Variants in FREM2 observed in about 807,000 individuals in gnomAD.
The protein encoded by FREM2 is FRAS1 related extracellular matrix 2.
Under a neutral mutation model 219.9 loss-of-function variants are expected in FREM2, and 119 were observed. The ratio of observed to expected loss-of-function variants is 0.54; its 90% CI spans 0.47 to 0.63. The LOEUF (loss-of-function observed/expected upper bound fraction) is 0.63, where lower values mean the gene tolerates loss of function less well. FREM2 is among the 30% of genes least tolerant of loss of function. FREM2 has a pLI of 0.00. For missense variants in FREM2, 4,030 were observed against 3,993.6 expected (o/e 1.01, Z -0.25); for synonymous variants, 1,562 against 1,522.8 (o/e 1.03, Z -0.60).
At chr13:38,746,567 C>A (rs1040028885) in intron 2 of FREM2, among the ~76,000 whole-genome samples, 5 of 151,976 alleles carry the variant, frequency 3.3e-5, no homozygotes, top group African/African-American at 1.2e-4. Flanking sequence ...TTTGAAGTAC[C>A]CATGATTAAA....
At chr13:38,845,611 G>T (rs1566164140) in intron 6 of FREM2, among the ~76,000 whole-genome samples, 2 of 152,134 alleles carry the variant, frequency 1.3e-5, no homozygotes, top group East Asian at 3.8e-4. Context: ...ATAAAAATAA[G>T]CTCAAAATGA....
intron 6 of FREM2, among the ~76,000 whole-genome samples, chr13:38,840,093 C>T (rs1353237032): frequency 3.9e-5 from 6 of 152,106 alleles, no homozygotes; most frequent in African/African-American, 1.2e-4. Context: ...TATAGGCACC[C>T]GAAGGAATCT....
intron 2 of FREM2, among the ~76,000 whole-genome samples, chr13:38,718,566 C>T (rs1871100806): frequency 6.6e-6 from 1 of 152,200 alleles, no homozygotes; most frequent in South Asian, 2.1e-4. Flanking sequence ...CAATTTACAT[C>T]CTCCAGCGAT....
intron 6 of FREM2, among the ~76,000 whole-genome samples, chr13:38,800,452 A>T (rs571515185): frequency 6.6e-6 from 1 of 152,046 alleles, no homozygotes; most frequent in South Asian, 2.1e-4. Context: ...TTTATAGGTG[A>T]CTAGAAGCTT....
Position 38,865,341 on chromosome 13 carries a change from G to T in FREM2, c.7983+735G>T, listed in dbSNP as rs145214725. Among the ~76,000 whole-genome samples the T allele has an allele frequency of 1.2e-3, 178 of 152,244 alleles. No individual in the cohort carries two copies. In the East Asian group the frequency reaches 0.029, roughly 25 times the overall value. On this transcript the variant is annotated intron_variant, in intron 16 of 23. Transcript: ENST00000280481. ...ATAAGGAAGCAAGATCTTCTTGTGG[G>T]TTACAATAGAGAACCTAAAATATGT...
In FREM2 at chr13:38,689,915, A is replaced by C. The variant is rs1260111713; in HGVS notation, c.2571A>C (p.Val857=). 6.2e-7 allele frequency: 1 copy of C among 1,614,192 alleles called. No homozygotes were observed. The highest frequency in any genetic ancestry group is 8.5e-7 in the Non-Finnish European group (1 of 1,180,034). The change falls in exon 1 of 24, where the codon GTA becomes GTC. Residue 857 remains valine, a synonymous_variant. Coordinates refer to ENST00000280481, the MANE Select transcript of FREM2 (RefSeq NM_207361.6). The part of the protein sequence containing the change: ...LSETELHVND[V]DTDVAHISFT... ...AGACAGAGTTGCACGTGAATGATGT[A>C]GACACTGATGTTGCCCATATCTCTT...
At chr13:38,772,541 C>T (rs754392445) in intron 4 of FREM2, among the ~76,000 whole-genome samples, 1 of 152,120 alleles carries the variant, frequency 6.6e-6, no homozygotes, top group African/African-American at 2.4e-5. Context: ...GTGTTTAGCA[C>T]ATTATATACG....
intron 2 of FREM2, among the ~76,000 whole-genome samples, chr13:38,714,510 G>A (rs1870904392): frequency 6.6e-6 from 1 of 152,020 alleles, no homozygotes; most frequent in African/African-American, 2.4e-5. Context: ...TAGATAAGAA[G>A]GTAAGTTTAA....
rs201806885 is a variant in FREM2, at chr13:38,784,641, G to A, written c.5852G>A (p.Arg1951His). The change falls in exon 6 of 24, where the codon CGC becomes CAC. Residue 1951 changes from arginine (R) to histidine (H), a missense_variant. Arg to His is a conservative substitution (Grantham distance 29, BLOSUM62 0). Coordinates refer to ENST00000280481, the MANE Select transcript of FREM2 (RefSeq NM_207361.6). ...SRPEDHTSVV[R>H]FDKDEREKLC... ...CCTGAGGACCACACCAGTGTTGTCC[G>A]CTTTGACAAAGATGAACGGGAGAAA... is the stretch of plus-strand genomic sequence containing the variant. 5.6e-6 allele frequency: 9 copies of A among 1,614,134 alleles called. No homozygotes were observed. The highest frequency in any genetic ancestry group is 4.5e-5 in the East Asian group (2 of 44,884).
chr13:38,873,600 TAG>T lies in FREM2; in HGVS notation c.8176+667_8176+668del, dbSNP rs530499033. On this transcript the variant is annotated intron_variant, in intron 17 of 23. Coordinates refer to ENST00000280481, the MANE Select transcript of FREM2 (RefSeq NM_207361.6). The stretch of plus-strand genomic sequence containing the variant: ...GGTTTCAATCTCCATGTTAGACTCA[TAG>T]TTCAAAGTCCACAAGCATCAATCTA... 1.6e-4 allele frequency among the ~76,000 whole-genome samples: 23 copies of T among 146,574 alleles called. No individual in the cohort carries two copies. The South Asian group carries it at 4.9e-3, about 31-fold the overall frequency.
intron 2 of FREM2, among the ~76,000 whole-genome samples, chr13:38,703,781 G>T (rs1186615908): frequency 1.3e-5 from 2 of 151,954 alleles, no homozygotes; most frequent in African/African-American, 4.8e-5. Flanking sequence ...TTAGTTCCGA[G>T]AACATTTTTT....
intron 6 of FREM2, among the ~76,000 whole-genome samples, chr13:38,842,887 G>A (rs867057793): frequency 6.6e-6 from 1 of 152,196 alleles, no homozygotes; most frequent in Non-Finnish European, 1.5e-5. Flanking sequence ...TATCTGTGCT[G>A]TAGGTAGTGA....
Position 38,831,775 on chromosome 13 carries a change from A to AT in FREM2, c.6020-14798_6020-14797insT, listed in dbSNP as rs1780386276. 8.0e-5 allele frequency among the ~76,000 whole-genome samples: 5 copies of AT among 62,434 alleles called. 1 individual carries two copies. The highest frequency in any genetic ancestry group is 2.0e-4 in the African/African-American group (5 of 24,494). 41.0% of individuals were successfully genotyped at this position (62,434 alleles called of 152,430 possible). ...CAGGTGTGCACCTCATGCCAGACTGAATTTTTTTTTTTTTTGGTATTTTTA... is the reference window on the plus strand; with the variant it reads ...CAGGTGTGCACCTCATGCCAGACTGATATTTTTTTTTTTTTTGGTATTTTTA... On this transcript the variant is annotated intron_variant, in intron 6 of 23. Coordinates refer to ENST00000280481, the MANE Select transcript of FREM2 (RefSeq NM_207361.6).
chr13:38,770,199 A>G (rs1011183141), intron 4 of FREM2, among the ~76,000 whole-genome samples: 1 of 147,934 alleles, frequency 6.8e-6, no homozygotes, highest in Non-Finnish European at 1.5e-5. Flanking sequence ...ACATATTTAT[A>G]TATAATTGAA....
intron 6 of FREM2, among the ~76,000 whole-genome samples, chr13:38,817,949 A>G (rs1875834020): frequency 6.6e-6 from 1 of 152,184 alleles, no homozygotes; most frequent in Non-Finnish European, 1.5e-5. Context: ...AATGTTCAAC[A>G]TTGCTAACCA....
chr13:38,728,827 CATTTATTT>C (rs572609074), intron 2 of FREM2, among the ~76,000 whole-genome samples: 1 of 151,868 alleles, frequency 6.6e-6, no homozygotes, highest in Non-Finnish European at 1.5e-5. Context: ...TTATCCTTCT[CATTTATTT>C]ATTTATTTAT....
intron 2 of FREM2, among the ~76,000 whole-genome samples, chr13:38,745,801 G>A (rs1872456432): frequency 6.6e-6 from 1 of 152,194 alleles, no homozygotes; most frequent in Non-Finnish European, 1.5e-5. Context: ...GTCAATGCTG[G>A]GTAATTATCA....
intron 6 of FREM2, among the ~76,000 whole-genome samples, chr13:38,828,844 T>C (rs577456940): frequency 4.6e-5 from 7 of 152,286 alleles, no homozygotes; most frequent in Non-Finnish European, 8.8e-5. Context: ...CTATAACATA[T>C]TTAACAATCC....
chr13:38,811,052 A>G (rs1875455259), intron 6 of FREM2, among the ~76,000 whole-genome samples: 1 of 151,892 alleles, frequency 6.6e-6, no homozygotes, highest in African/African-American at 2.4e-5. Flanking sequence ...TTTATATTAC[A>G]TTAATTTTGA....
Sources: gnomAD v4.1 joint callset for allele counts (sites outside exome capture counted in the v4.1 genomes callset) on GRCh38, gnomAD v4.1.1 for gene constraint, MANE v1.5 for transcripts, NCBI Gene and HGNC (gene_info 2026-07-23, HGNC 2026-07-21) for gene names.